Variants in COPB1 observed in about 807,000 individuals in gnomAD.
The protein encoded by COPB1 is coatomer subunit beta.
COPB1 carries 21 observed loss-of-function variants against 108.7 expected under a neutral mutation model. The observed-to-expected ratio is 0.19, with a 90% CI of 0.14 to 0.28. The LOEUF is 0.28. COPB1 is among the 10% of genes least tolerant of loss of function. COPB1 has a pLI of 1.00. For synonymous variants in COPB1, 378 were observed against 386.8 expected (o/e 0.98, Z 0.27); for missense variants, 919 against 1,141.3 (o/e 0.81, Z 2.81).
At chr11:14,487,689 C>A (rs1286675988) in intron 6 of COPB1, among the ~76,000 whole-genome samples, 1 of 148,836 alleles carries the variant, frequency 6.7e-6, no homozygotes, top group Non-Finnish European at 1.5e-5. Context: ...AAACAAAAAA[C>A]AACAAAAAAA....
At chr11:14,480,933 G>C (rs754066444) in intron 9 of COPB1, 28 bp from the exon 10 acceptor site, 3 of 1,613,374 alleles carry the variant, frequency 1.9e-6, no homozygotes, top group Admixed American at 3.3e-5. Flanking sequence ...AAATAAGTGA[G>C]AGTTACATCA....
At position 14,466,278 on chromosome 11, in the gene COPB1, T is replaced by C. The variant is rs771375443; in HGVS notation, c.2290+4A>G. 3 of 1,612,620 alleles carry C rather than the reference T, an allele frequency of 1.9e-6. No individual in the cohort carries two copies. Among genetic ancestry groups the C allele is most frequent in the Non-Finnish European group, 2.5e-6 (3 of 1,179,292 alleles). On this transcript the variant is annotated splice_donor_region_variant and intron_variant, in intron 17 of 21. Transcript: ENST00000439561. ...TCTCTTTCCTGAATGGTAAGTTTCC[T>C]CACCTAGTGTAGCTAGTTCTAATGT...
At chr11:14,468,405 C>A (rs1850328792) in intron 16 of COPB1, among the ~76,000 whole-genome samples, 3 of 152,186 alleles carry the variant, frequency 2.0e-5, no homozygotes, top group Admixed American at 2.0e-4. Context: ...CCTTTAAAAA[C>A]CTCAGCTAAC....
chr11:14,482,963 A>T, intron 8 of COPB1, 69 bp downstream of exon 8: 1 of 1,394,968 alleles, frequency 7.2e-7, no homozygotes, highest in Non-Finnish European at 9.6e-7. Flanking sequence ...CAAGATGGGC[A>T]AAGCTTGAGA....
chr11:14,473,802 C>G (rs1850460634), intron 14 of COPB1, among the ~76,000 whole-genome samples: 1 of 149,078 alleles, frequency 6.7e-6, no homozygotes, highest in Non-Finnish European at 1.5e-5. Context: ...TGCTAACAGA[C>G]TTGCTCAACT....
At chr11:14,459,373 G>C (rs1371635724) in intron 20 of COPB1, among the ~76,000 whole-genome samples, 1 of 152,048 alleles carries the variant, frequency 6.6e-6, no homozygotes, top group Admixed American at 6.6e-5. Flanking sequence ...TTGTTTGGTA[G>C]CAGACATTAT....
chr11:14,499,085 A>T (rs926798256), intron 1 of COPB1, 100 bp from the exon 2 acceptor site: 3 of 589,454 alleles, frequency 5.1e-6, no homozygotes, highest in Non-Finnish European at 5.8e-6. Context: ...AGGGCAGGTC[A>T]ATCTATATCG....
intron 3 of COPB1, 44 bp from the exon 4 acceptor site, chr11:14,493,855 T>A (rs1850961326): frequency 6.2e-6 from 9 of 1,441,066 alleles, no homozygotes. Context: ...TTCAGCTTTT[T>A]ACAAAAAGAA....
rs773338761 is a variant in COPB1, at chr11:14,488,553, A to G, written c.638T>C (p.Ile213Thr). The change falls in exon 6 of 22, where the codon ATT (isoleucine) becomes ACT (threonine). Residue 213 changes from isoleucine (I) to threonine (T), a missense_variant. Transcript: ENST00000439561. Reference sequence around the variant, plus strand: ...GTCTCCAAATGTTTGAACTTGATCAATGCAAGTACTTAAGTAATCCAAAGC... The same window carrying G: ...GTCTCCAAATGTTTGAACTTGATCAGTGCAAGTACTTAAGTAATCCAAAGC... ...DRALDYLSTC[I>T]DQVQTFGDIL... 2 of 1,607,252 alleles carry G rather than the reference A, an allele frequency of 1.2e-6. No homozygotes were observed. The highest frequency in any genetic ancestry group is 1.7e-6 in the Non-Finnish European group (2 of 1,175,878).
At chr11:14,464,844 GCTACT>G in intron 18 of COPB1, 62 bp downstream of exon 18, 1 of 1,544,032 alleles carries the variant, frequency 6.5e-7, no homozygotes, top group Non-Finnish European at 8.8e-7. Context: ...AATGTCCCCA[GCTACT>G]CACTATAGAA....
rs1466321333 is a variant in COPB1, at chr11:14,498,951, A to G, written c.-23T>C. ...CATGGTTTCTGGTTATATTATAACC[A>G]ATCCTTGACACAAGATTTAAGGATG... On this transcript the variant is annotated 5_prime_UTR_variant, in exon 2 of 22. Transcript: ENST00000439561. 1 of 1,572,486 alleles carries G rather than the reference A, an allele frequency of 6.4e-7. No homozygotes were observed. Among genetic ancestry groups the G allele is most frequent in the South Asian group, 1.2e-5 (1 of 85,122 alleles).
chr11:14,499,530 G>C (rs1234227450), intron 1 of COPB1, 177 bp downstream of exon 1: 2 of 151,620 alleles, frequency 1.3e-5, no homozygotes, highest in Non-Finnish European at 2.9e-5. Context: ...CCAATACAAA[G>C]GACGGGATGG....
intron 4 of COPB1, among the ~76,000 whole-genome samples, chr11:14,493,247 A>T (rs1850947680): frequency 6.6e-6 from 1 of 152,212 alleles, no homozygotes; most frequent in African/African-American, 2.4e-5. Context: ...TTCCTTCCTC[A>T]AAGCTTCTGA....
At chr11:14,487,755 AC>A (rs1850808267) in intron 6 of COPB1, among the ~76,000 whole-genome samples, 1 of 152,188 alleles carries the variant, frequency 6.6e-6, no homozygotes, top group South Asian at 2.1e-4. Flanking sequence ...CCCATTCCAA[AC>A]TACTGGTACC....
chr11:14,490,137 T>C (rs1415922117), intron 5 of COPB1, among the ~76,000 whole-genome samples: 2 of 152,044 alleles, frequency 1.3e-5, no homozygotes, highest in African/African-American at 4.8e-5. Flanking sequence ...GGATGTGGAG[T>C]TGGCACCCGT....
intron 21 of COPB1, 105 bp from the exon 22 acceptor site, chr11:14,457,988 C>A: frequency 7.2e-6 from 4 of 558,892 alleles, no homozygotes; most frequent in East Asian, 3.8e-5. Flanking sequence ...CCATTATCAA[C>A]AATAAAATCA....
chr11:14,463,528 G>A (rs376937692), intron 18 of COPB1, among the ~76,000 whole-genome samples: 2 of 152,142 alleles, frequency 1.3e-5, no homozygotes, highest in African/African-American at 4.8e-5. Flanking sequence ...ATGTTGGCCA[G>A]GCTGGTCTTG....
Position 14,494,574 on chromosome 11 carries a change from C to A in COPB1, c.92-135G>T, listed in dbSNP as rs568056402. On this transcript the variant is annotated intron_variant, in intron 2 of 21. Coordinates refer to ENST00000439561, the MANE Select transcript of COPB1 (RefSeq NM_001144061.2). ...AGCAATGGTAATAAAAGTACAAACC[C>A]AAGTGACAAGGTTCTCCACCTGGTT... 8.5e-6 allele frequency: 5 copies of A among 590,328 alleles called. No homozygotes were observed. The East Asian group carries it at 1.1e-4, about 13-fold the overall frequency. 36.6% of individuals were successfully genotyped at this position (590,328 alleles called of 1,614,324 possible).
chr11:14,492,252 T>G (rs1653522414), intron 4 of COPB1, among the ~76,000 whole-genome samples: 1 of 152,144 alleles, frequency 6.6e-6, no homozygotes, highest in African/African-American at 2.4e-5. Context: ...GCCTAATTTT[T>G]CTATGTGCAC....
Sources: gnomAD v4.1 joint callset for allele counts (sites outside exome capture counted in the v4.1 genomes callset) on GRCh38, gnomAD v4.1.1 for gene constraint, MANE v1.5 for transcripts, NCBI Gene and HGNC (gene_info 2026-07-23, HGNC 2026-07-21) for gene names.